The following LRRC9 variants were observed in gnomAD, a reference collection of about 807,000 sequenced individuals.
LRRC9 encodes the protein leucine rich repeat containing 9.
A neutral mutation model predicts 63.2 loss-of-function variants in LRRC9; 122 were observed. That is an observed-to-expected ratio of 1.93 (90% CI 1.67 to 2.24). The LOEUF is 2.24. Ranked by LOEUF, LRRC9 falls within the 30% of genes most tolerant of loss-of-function variation. The pLI is 0.00. For missense variants in LRRC9, 1,071 were observed against 627.7 expected (o/e 1.71, Z -7.55); for synonymous variants, 366 against 213.1 (o/e 1.72, Z -6.25).
At chr14:59,997,427 G>T (rs219363) in intron 17 of LRRC9, among the ~76,000 whole-genome samples, 113,277 of 151,946 alleles carry the variant, frequency 0.75, 44,373 homozygotes, top group Non-Finnish European at 0.87. Context: ...ATTGCCACTC[G>T]GTGTTACAAG....
intron 29 of LRRC9, among the ~76,000 whole-genome samples, chr14:60,039,130 G>T (rs1473603507): frequency 2.0e-5 from 3 of 152,220 alleles, no homozygotes; most frequent in Non-Finnish European, 2.9e-5. Flanking sequence ...AATCGTGGTG[G>T]ATAAGCTTTT....
chr14:60,033,655 T>C (rs1303475957), intron 29 of LRRC9, among the ~76,000 whole-genome samples: 1 of 152,204 alleles, frequency 6.6e-6, no homozygotes, highest in Admixed American at 6.5e-5. Flanking sequence ...GGATTCAATT[T>C]GCTAATATTT....
At chr14:60,039,741 G>C (rs554792756) in intron 29 of LRRC9, among the ~76,000 whole-genome samples, 11 of 151,778 alleles carry the variant, frequency 7.2e-5, no homozygotes, top group Non-Finnish European at 2.9e-5. Context: ...TTTTTTGAAG[G>C]GTTTTTTGTG....
chr14:60,039,705 A>G (rs1892773426), intron 29 of LRRC9, among the ~76,000 whole-genome samples: 1 of 151,982 alleles, frequency 6.6e-6, no homozygotes, highest in Non-Finnish European at 1.5e-5. Context: ...TGATCTTTTG[A>G]AAAAACAGCT....
intron 8 of LRRC9, among the ~76,000 whole-genome samples, chr14:59,954,755 C>G (rs1200510492): frequency 2.0e-5 from 3 of 152,116 alleles, no homozygotes; most frequent in Non-Finnish European, 2.9e-5. Context: ...CAGCTTTTGC[C>G]CATTCAGTAT....
At chr14:60,052,368 A>G (rs1337078069) in intron 29 of LRRC9, among the ~76,000 whole-genome samples, 1 of 152,200 alleles carries the variant, frequency 6.6e-6, no homozygotes, top group East Asian at 1.9e-4. Context: ...GTTTTTGCCC[A>G]AGGCAGCCCA....
chr14:60,003,455 T>C lies in LRRC9; in HGVS notation c.2665-166T>C, dbSNP rs1456290390. Among the ~76,000 whole-genome samples the C allele has an allele frequency of 6.6e-6, 1 of 152,246 alleles. No individual in the cohort carries two copies. The highest frequency in any genetic ancestry group is 1.9e-4 in the East Asian group (1 of 5,204). On this transcript the variant is annotated intron_variant, in intron 20 of 31. Transcript: ENST00000445360. The surrounding 1 kb of genome is among the most constrained non-coding windows in gnomAD (Gnocchi z 4.2). ...TTGGAGTTATAATCTCGTCAAATTT[T>C]ACTTTTCTGTAAACTGACAGCTTCA...
rs1456103953 is a variant in LRRC9, at chr14:60,003,018, A to C, written c.2665-603A>C. 6.6e-6 allele frequency among the ~76,000 whole-genome samples: 1 copy of C among 152,208 alleles called. No individual in the cohort carries two copies. Among genetic ancestry groups the C allele is most frequent in the Non-Finnish European group, 1.5e-5 (1 of 68,032 alleles). ...GCTTCTTGCTACATTAGGTGTCCTT[A>C]TACCTCTTGCCAAACATAGAAACTG... On this transcript the variant is annotated intron_variant, in intron 20 of 31. Transcript: ENST00000445360. This position sits in a 1 kb window ranked among gnomAD's most constrained non-coding sequence, Gnocchi z 4.2.
In LRRC9 at chr14:60,030,088, T is replaced by A. The variant is rs540298469; in HGVS notation, c.3922-1907T>A. The stretch of plus-strand genomic sequence containing the variant: ...GAGAGAGATTCTATCTGTAGATTCA[T>A]ACCAACATGGGCAGGCTGATACCAG... On this transcript the variant is annotated intron_variant, in intron 28 of 31. Coordinates refer to ENST00000445360, the Ensembl canonical transcript of LRRC9. 2.0e-5 allele frequency among the ~76,000 whole-genome samples: 3 copies of A among 152,220 alleles called. No individual in the cohort carries two copies. The East Asian group carries it at 5.8e-4, about 29-fold the overall frequency.
Position 60,003,785 on chromosome 14 carries a change from C to T in LRRC9, c.2829C>T (p.Ile943=). 3.3e-6 allele frequency: 2 copies of T among 609,304 alleles called. No individual in the cohort carries two copies. Among genetic ancestry groups the T allele is most frequent in the South Asian group, 2.0e-5 (1 of 49,778 alleles). 37.7% of individuals were successfully genotyped at this position (609,304 alleles called of 1,614,324 possible). Residue 943 remains isoleucine, a synonymous_variant, in exon 21 of 32, where the codon ATC becomes ATT. Transcript: ENST00000445360. This position sits in a 1 kb window ranked among gnomAD's most constrained non-coding sequence, Gnocchi z 4.2. ...AGCTCACATTAGATGGAAACTGCAT[C>T]TCAAAGATAGAAGGTAAGGTACTTA...
chr14:60,002,312 T>A (rs796541677), intron 20 of LRRC9, among the ~76,000 whole-genome samples: 13 of 152,282 alleles, frequency 8.5e-5, no homozygotes, highest in African/African-American at 3.1e-4. Flanking sequence ...TCATTAACTT[T>A]AGTCGTTAAA....
At chr14:60,030,100 C>A (rs529214809) in intron 28 of LRRC9, among the ~76,000 whole-genome samples, 1 of 152,040 alleles carries the variant, frequency 6.6e-6, no homozygotes, top group East Asian at 1.9e-4. Flanking sequence ...CCAACATGGG[C>A]AGGCTGATAC....
intron 18 of LRRC9, 122 bp from the exon 19 acceptor site, chr14:59,998,979 G>T: frequency 4.3e-6 from 2 of 467,760 alleles, no homozygotes; most frequent in Admixed American, 3.8e-5. Flanking sequence ...CTTTTTTTAG[G>T]TATATGTAAT....
chr14:60,062,116 T>C (rs1894693483), intron 31 of LRRC9: 2 of 398,728 alleles, frequency 5.0e-6, no homozygotes, highest in Non-Finnish European at 8.9e-6. Context: ...CCATCTCTTT[T>C]ATCACATCAG....
chr14:59,974,891 AACAG>A (rs962600217), intron 13 of LRRC9, among the ~76,000 whole-genome samples, 183 bp downstream of exon 13: 46 of 151,516 alleles, frequency 3.0e-4, no homozygotes, highest in African/African-American at 1.0e-3. Context: ...CCACACTTTT[AACAG>A]ATACTTACTG....
exon 8 of LRRC9, chr14:59,944,621 T>C: frequency 1.6e-6 from 1 of 639,524 alleles, no homozygotes; most frequent in Non-Finnish European, 2.8e-6. Flanking sequence ...TGTATTATAA[T>C]ATGCGTATAA....
At chr14:59,951,751 C>G (rs1419580355) in intron 8 of LRRC9, among the ~76,000 whole-genome samples, 1 of 151,654 alleles carries the variant, frequency 6.6e-6, no homozygotes, top group East Asian at 2.0e-4. Context: ...GTTGGAATAC[C>G]CTGCTGTGTG....
At chr14:60,021,205 A>T (rs550600357) in intron 26 of LRRC9, among the ~76,000 whole-genome samples, 1 of 152,050 alleles carries the variant, frequency 6.6e-6, no homozygotes, top group South Asian at 2.1e-4. Context: ...TTGAAGTGGT[A>T]TCTCATTGTG....
At position 60,051,023 on chromosome 14, in the gene LRRC9, C is replaced by A. The variant is rs1893848418; in HGVS notation, c.3991-2042C>A. On this transcript the variant is annotated intron_variant, in intron 29 of 31. Coordinates refer to ENST00000445360, the Ensembl canonical transcript of LRRC9. This position sits in a 1 kb window ranked among gnomAD's most constrained non-coding sequence, Gnocchi z 4.7. ...GCACCTGTAGGAGGTGTCTGGAGAC[C>A]CCTGTTAAGAGTTCTCACCCAGTCA... 6.6e-6 allele frequency among the ~76,000 whole-genome samples: 1 copy of A among 152,156 alleles called. No homozygotes were observed. Among genetic ancestry groups the A allele is most frequent in the Non-Finnish European group, 1.5e-5 (1 of 68,040 alleles).
Sources: gnomAD v4.1 joint callset for allele counts (sites outside exome capture counted in the v4.1 genomes callset) on GRCh38, gnomAD v4.1.1 for gene constraint, Gnocchi (gnomAD v3.1) non-coding constraint, MANE v1.5 for transcripts, NCBI Gene and HGNC (gene_info 2026-07-23, HGNC 2026-07-21) for gene names.